The following XIST variants were observed in gnomAD, a reference collection of about 807,000 sequenced individuals.
XIST encodes X inactive specific transcript (non-protein coding).
rs185536434 is a variant in XIST at position 73,843,870 on chromosome X, T to C, written n.8854A>G. 12 of 556,907 alleles carry C rather than the reference T, an allele frequency of 2.2e-5. No individual in the cohort carries two copies. In the East Asian group the frequency reaches 3.3e-4, roughly 15 times the overall value. 45.9% of individuals were successfully genotyped at this position (556,907 alleles called of 1,213,427 possible). On this transcript the variant is annotated non_coding_transcript_exon_variant, in exon 1 of 6. Coordinates refer to ENST00000429829, the Ensembl canonical transcript of XIST. Reference sequence around the variant, plus strand: ...GGTTGATCAGGACACCCTGTTGTACTACAAAGGAAAGGTGATGGGGTATGA... The same window carrying C: ...GGTTGATCAGGACACCCTGTTGTACCACAAAGGAAAGGTGATGGGGTATGA...
chrX:73,822,745 T>C lies in XIST; in HGVS notation n.17156A>G, dbSNP rs200418644. ...CCTTTTGGAGCAGATATATTTCATT[T>C]AGCATTTAGTATCATCTTCATCAAT... On this transcript the variant is annotated non_coding_transcript_exon_variant, in exon 6 of 6. Transcript: ENST00000429829. 4.8e-3 allele frequency: 2,609 copies of C among 545,739 alleles called. 9 individuals are homozygous for C. Among genetic ancestry groups the C allele is most frequent in the Non-Finnish European group, 6.3e-3 (1,903 of 304,446 alleles). The allele number at this position is 545,739 out of a possible 1,213,427, so 45.0% of individuals were successfully genotyped here.
rs1045780513 is a variant in XIST, at chrX:73,824,513, T to C, written n.15388A>G. 1.3e-5 allele frequency: 7 copies of C among 555,177 alleles called. No homozygotes were observed. The Admixed American group carries it at 1.3e-4, about 11-fold the overall frequency. 45.8% of individuals were successfully genotyped at this position (555,177 alleles called of 1,213,427 possible). The stretch of plus-strand genomic sequence containing the variant: ...AACAGTGAGTTCACATAGTAGGCAA[T>C]CAAAATTGATCTATTTAACAGGTAT... On this transcript the variant is annotated non_coding_transcript_exon_variant, in exon 6 of 6. Coordinates refer to ENST00000429829, the Ensembl canonical transcript of XIST.
exon 1 of XIST, chrX:73,844,104 A>T (rs1369074135): frequency 1.8e-6 from 1 of 558,796 alleles, no homozygotes. Flanking sequence ...TATTGAAAAG[A>T]GGTGGGGCAT....
exon 1 of XIST, chrX:73,845,256 A>G (rs371734916): frequency 9.7e-5 from 54 of 554,625 alleles, no homozygotes; most frequent in Non-Finnish European, 1.7e-4. Flanking sequence ...TTCCATGTCT[A>G]TTACACAGGA....
chrX:73,850,161 T>C, exon 1 of XIST: 1 of 557,463 alleles, frequency 1.8e-6, no homozygotes, highest in Non-Finnish European at 3.2e-6. Flanking sequence ...GAAGTTAAAT[T>C]TTTTACTGTT....
chrX:73,821,035 A>G (rs1263846763), exon 6 of XIST: 1 of 559,171 alleles, frequency 1.8e-6, no homozygotes, highest in Non-Finnish European at 3.2e-6. Context: ...AGAAACTGTG[A>G]AAGGAAGGCT....
At chrX:73,824,180 A>C (rs1922197319) in exon 6 of XIST, 1 of 516,155 alleles carries the variant, frequency 1.9e-6, no homozygotes, top group East Asian at 3.6e-5. Flanking sequence ...AAGATGGTTT[A>C]TCTTTGCATC....
At chrX:73,827,445 T>C (rs767391387) in exon 6 of XIST, 2 of 542,580 alleles carry the variant, frequency 3.7e-6, no homozygotes, top group Non-Finnish European at 3.3e-6. Flanking sequence ...CCAACAGAGA[T>C]TAATACTGAA....
exon 1 of XIST, chrX:73,849,325 T>C (rs1465850104): frequency 1.8e-6 from 1 of 559,172 alleles, no homozygotes; most frequent in East Asian, 3.2e-5. Context: ...AGACGGGTTG[T>C]CTGCGACCCC....
chrX:73,847,519 C>T (rs182944179), exon 1 of XIST: 1 of 513,899 alleles, frequency 1.9e-6, no homozygotes, highest in Non-Finnish European at 3.5e-6. Flanking sequence ...CACACCCGGC[C>T]TCAGGGCAAT....
At chrX:73,823,307 T>G in exon 6 of XIST, 1 of 474,826 alleles carries the variant, frequency 2.1e-6, no homozygotes, top group Non-Finnish European at 3.6e-6. Flanking sequence ...GCATTTTTCT[T>G]TCTTTTTTTT....
At chrX:73,836,555 T>C (rs1399514708) in intron 2 of XIST, among the ~76,000 whole-genome samples, 1 of 111,801 alleles carries the variant, frequency 8.9e-6, no homozygotes, top group Non-Finnish European at 1.9e-5. Flanking sequence ...TTTAGTTTAA[T>C]ATAGATACAG....
At chrX:73,824,520 T>C in exon 6 of XIST, 1 of 556,665 alleles carries the variant, frequency 1.8e-6, no homozygotes, top group East Asian at 3.3e-5. Flanking sequence ...CAATCAAAAT[T>C]GATCTATTTA....
At chrX:73,833,651 G>A (rs760012173) in intron 2 of XIST, 106 of 177,333 alleles carry the variant, frequency 6.0e-4, no homozygotes, top group Admixed American at 2.4e-3. Context: ...TAAATTTGTG[G>A]CTAATGGTCA....
exon 1 of XIST, chrX:73,852,093 G>A: frequency 1.9e-6 from 1 of 530,371 alleles, no homozygotes; most frequent in Admixed American, 2.4e-5. Flanking sequence ...GGCCCCGATG[G>A]GCAAGGAAAA....
chrX:73,852,071 G>T (rs1440839388), exon 1 of XIST: 2 of 533,742 alleles, frequency 3.7e-6, no homozygotes, highest in South Asian at 4.8e-5. Context: ...AAAAATTAAA[G>T]CAGGTATCCG....
At chrX:73,827,940 G>C in exon 6 of XIST, 1 of 521,651 alleles carries the variant, frequency 1.9e-6, no homozygotes, top group Non-Finnish European at 3.4e-6. Context: ...TTTAGATAGA[G>C]AACAAAGAGC....
exon 6 of XIST, chrX:73,824,758 C>T (rs1284186539): frequency 1.8e-6 from 1 of 558,491 alleles, no homozygotes; most frequent in South Asian, 2.2e-5. Context: ...ACTTCATTTC[C>T]TCATACTAGC....
At chrX:73,844,707 C>A (rs1046716257) in exon 1 of XIST, 22 of 556,314 alleles carry the variant, frequency 4.0e-5, no homozygotes, top group Non-Finnish European at 6.2e-5. Context: ...TATAATCACA[C>A]ACATAACAGG....
Sources: allele counts gnomAD v4.1 joint callset (sites outside exome capture counted in the v4.1 genomes callset), GRCh38; gene constraint gnomAD v4.1.1; transcripts MANE v1.5; gene names NCBI Gene and HGNC (gene_info 2026-07-23, HGNC 2026-07-21).